The following KDM4C variants were observed in gnomAD, a reference collection of about 807,000 sequenced individuals.
KDM4C encodes the protein lysine-specific demethylase 4C.
KDM4C carries 81 observed loss-of-function variants against 129.3 expected under a neutral mutation model. The ratio of observed to expected loss-of-function variants is 0.63; its 90% CI spans 0.52 to 0.75. The LOEUF is 0.75. KDM4C is among the 30% of genes least tolerant of loss of function. The pLI, the probability that KDM4C is intolerant of heterozygous loss-of-function variation, is 0.00. For synonymous variants in KDM4C, 573 were observed against 456.1 expected (o/e 1.26, Z -3.26); for missense variants, 1,457 against 1,304.0 (o/e 1.12, Z -1.81).
intron 1 of KDM4C, among the ~76,000 whole-genome samples, chr9:6,782,417 C>G (rs1022774676): frequency 1.3e-5 from 2 of 152,150 alleles, no homozygotes; most frequent in Non-Finnish European, 2.9e-5. Flanking sequence ...GGACCTTGAG[C>G]AAGCATTTTA....
intron 15 of KDM4C, among the ~76,000 whole-genome samples, chr9:7,026,681 C>T (rs567432075): frequency 6.6e-5 from 10 of 152,102 alleles, no homozygotes; most frequent in Admixed American, 5.9e-4. Flanking sequence ...ACTTTCTACC[C>T]TCATCTGTTT....
intron 1 of KDM4C, among the ~76,000 whole-genome samples, chr9:6,733,827 A>C (rs1384850857): frequency 6.6e-6 from 1 of 152,170 alleles, no homozygotes; most frequent in Non-Finnish European, 1.5e-5. Flanking sequence ...TGTATTATTC[A>C]TGCCTCCCCT....
At chr9:7,109,476 G>A (rs12344683) in intron 18 of KDM4C, among the ~76,000 whole-genome samples, 4,104 of 152,172 alleles carry the variant, frequency 0.027, 176 homozygotes, top group African/African-American at 0.093. Context: ...AATCCAATTC[G>A]TTCCAACAGG....
chr9:6,732,530 G>T (rs1285595415), intron 1 of KDM4C, among the ~76,000 whole-genome samples: 2 of 151,790 alleles, frequency 1.3e-5, no homozygotes, highest in African/African-American at 2.4e-5. Context: ...TTACGGGCAT[G>T]AGCCACCGCA....
At position 7,013,719 on chromosome 9, in the gene KDM4C, A is replaced by G. The variant is rs969116199; in HGVS notation, c.1969-69A>G. 23 of 1,454,992 alleles carry G rather than the reference A, an allele frequency of 1.6e-5. No individual in the cohort carries two copies. The Admixed American group carries it at 2.0e-4, about 12-fold the overall frequency. 90.1% of individuals were successfully genotyped at this position (1,454,992 alleles called of 1,614,324 possible). The stretch of plus-strand genomic sequence containing the variant: ...TAGTGTCTGGAACAGGAGTTAGTGG[A>G]TTTGAGTGACTAGAATGATGAGCTC... On this transcript the variant is annotated intron_variant, in intron 13 of 21. Transcript: ENST00000381309.
intron 5 of KDM4C, among the ~76,000 whole-genome samples, chr9:6,858,606 T>C (rs895594141): frequency 6.6e-6 from 1 of 152,058 alleles, no homozygotes; most frequent in African/African-American, 2.4e-5. Context: ...AAACCCTCTG[T>C]CTACTAAATA....
chr9:6,722,649 G>A (rs191759759), intron 1 of KDM4C, among the ~76,000 whole-genome samples: 84 of 151,924 alleles, frequency 5.5e-4, no homozygotes, highest in African/African-American at 1.9e-3. Context: ...GAGTAGCTGC[G>A]ATTACAGACA....
At chr9:7,015,143 T>C (rs777893833) in intron 14 of KDM4C, among the ~76,000 whole-genome samples, 2 of 152,168 alleles carry the variant, frequency 1.3e-5, no homozygotes, top group Non-Finnish European at 2.9e-5. Flanking sequence ...ATTTCTGTTA[T>C]TTTGTTTTCA....
At chr9:7,005,647 C>T (rs542624098) in intron 12 of KDM4C, among the ~76,000 whole-genome samples, 1 of 152,086 alleles carries the variant, frequency 6.6e-6, no homozygotes, top group Non-Finnish European at 1.5e-5. Flanking sequence ...CTGACTGAAC[C>T]CCCACAGACC....
At chr9:6,866,150 G>A (rs1029861959) in intron 5 of KDM4C, among the ~76,000 whole-genome samples, 5 of 151,586 alleles carry the variant, frequency 3.3e-5, no homozygotes, top group Non-Finnish European at 7.4e-5. Flanking sequence ...CTCCCAACGT[G>A]CTGGGACTAC....
chr9:6,871,584 T>A (rs1360187449), intron 5 of KDM4C, among the ~76,000 whole-genome samples: 1 of 152,210 alleles, frequency 6.6e-6, no homozygotes, highest in Non-Finnish European at 1.5e-5. Context: ...CTTAAATGAA[T>A]AATTATTAAT....
intron 15 of KDM4C, among the ~76,000 whole-genome samples, chr9:7,042,893 A>G (rs1828831801): frequency 6.6e-6 from 1 of 152,136 alleles, no homozygotes. Flanking sequence ...CCCACTGCCT[A>G]TTTTGTAAAT....
intron 4 of KDM4C, among the ~76,000 whole-genome samples, chr9:6,839,832 G>A (rs1485268415): frequency 2.0e-5 from 3 of 152,030 alleles, no homozygotes; most frequent in Non-Finnish European, 4.4e-5. Flanking sequence ...GAACCTGGGA[G>A]GTGGAGGTTG....
At chr9:7,131,664 C>A (rs973408950) in intron 19 of KDM4C, among the ~76,000 whole-genome samples, 8 of 152,170 alleles carry the variant, frequency 5.3e-5, no homozygotes, top group African/African-American at 1.9e-4. Context: ...AAGATCATCC[C>A]ACTTCCACTT....
intron 1 of KDM4C, among the ~76,000 whole-genome samples, chr9:6,770,078 C>G (rs7857692): frequency 0.1 from 15,925 of 151,986 alleles, 995 homozygotes; most frequent in African/African-American, 0.16. Context: ...ACTTGGGAGG[C>G]TGAGGCAGGA....
intron 15 of KDM4C, among the ~76,000 whole-genome samples, chr9:7,016,228 C>G (rs1823646536): frequency 6.6e-6 from 1 of 151,760 alleles, no homozygotes. Context: ...TCCAGGTTCA[C>G]ACCATTCTCC....
At chr9:6,766,650 GTGTC>G (rs1820687248) in intron 1 of KDM4C, among the ~76,000 whole-genome samples, 1 of 152,080 alleles carries the variant, frequency 6.6e-6, no homozygotes, top group African/African-American at 2.4e-5. Flanking sequence ...TGAAATGCTT[GTGTC>G]TGCTCATTAG....
intron 8 of KDM4C, among the ~76,000 whole-genome samples, chr9:6,931,974 A>G (rs920747633): frequency 6.6e-6 from 1 of 152,236 alleles, no homozygotes; most frequent in East Asian, 1.9e-4. Context: ...TGTGCCCTGC[A>G]GGGTAAAGAG....
At chr9:7,073,447 G>C (rs1418658766) in intron 17 of KDM4C, among the ~76,000 whole-genome samples, 1 of 152,162 alleles carries the variant, frequency 6.6e-6, no homozygotes, top group Non-Finnish European at 1.5e-5. Flanking sequence ...CTGGACTCCT[G>C]ACCCAACTCC....
Sources: allele counts gnomAD v4.1 joint callset (sites outside exome capture counted in the v4.1 genomes callset), GRCh38; gene constraint gnomAD v4.1.1; transcripts MANE v1.5; gene names NCBI Gene and HGNC (gene_info 2026-07-23, HGNC 2026-07-21).